FRMD5: variants seen among roughly 807,000 people sequenced by gnomAD.
FRMD5 encodes the protein FERM domain-containing protein 5.
FRMD5 carries 20 observed loss-of-function variants against 69.0 expected under a neutral mutation model. The ratio of observed to expected loss-of-function variants is 0.29; its 90% CI spans 0.20 to 0.42. The LOEUF (loss-of-function observed/expected upper bound fraction) is 0.42, where lower values mean the gene tolerates loss of function less well. Among genes scored for constraint, FRMD5 ranks in the 10% least tolerant of loss-of-function variants. The pLI is 1.00. For synonymous variants in FRMD5, 271 were observed against 260.1 expected (o/e 1.04, Z -0.40); for missense variants, 595 against 708.6 (o/e 0.84, Z 1.82).
intron 1 of FRMD5, chr15:44,063,873 C>A: frequency 3.6e-6 from 1 of 276,088 alleles, no homozygotes; most frequent in South Asian, 3.8e-5. Flanking sequence ...AGGTCATCAT[C>A]TCTGCCCCCT....
intron 1 of FRMD5, among the ~76,000 whole-genome samples, chr15:43,998,953 C>G (rs548043804): frequency 8.8e-4 from 134 of 152,324 alleles, no homozygotes; most frequent in African/African-American, 3.1e-3. Flanking sequence ...AGCACCAAAA[C>G]TTCTGGAAAA....
intron 1 of FRMD5, among the ~76,000 whole-genome samples, chr15:44,155,806 G>A (rs1055233759): frequency 2.0e-5 from 3 of 151,898 alleles, no homozygotes; most frequent in Non-Finnish European, 2.9e-5. Context: ...CGTTGGCCAG[G>A]CTGGTCTTGA....
chr15:44,167,634 G>A (rs895148916), intron 1 of FRMD5, among the ~76,000 whole-genome samples: 1 of 151,908 alleles, frequency 6.6e-6, no homozygotes, highest in Admixed American at 6.6e-5. Flanking sequence ...CTGTTGCCCA[G>A]GCTGGAGTGC....
chr15:44,116,740 C>T (rs1266763600), intron 1 of FRMD5, among the ~76,000 whole-genome samples: 4 of 152,090 alleles, frequency 2.6e-5, no homozygotes, highest in Non-Finnish European at 5.9e-5. Flanking sequence ...AAACAGAATT[C>T]TTGGATCCTC....
At chr15:43,928,378 G>C (rs1185714799) in intron 1 of FRMD5, among the ~76,000 whole-genome samples, 1 of 152,210 alleles carries the variant, frequency 6.6e-6, no homozygotes, top group Non-Finnish European at 1.5e-5. Context: ...TGCAAAGGTA[G>C]AATCAACTTA....
rs1396918931 is a variant in FRMD5 at position 43,906,815 on chromosome 15, A to C, written c.428-864T>G. 6.7e-5 allele frequency among the ~76,000 whole-genome samples: 10 copies of C among 148,784 alleles called. 2 individuals carry two copies. Among genetic ancestry groups the C allele is most frequent in the East Asian group, 3.9e-4 (2 of 5,102 alleles). On this transcript the variant is annotated intron_variant, in intron 5 of 13. Transcript: ENST00000417257. The stretch of plus-strand genomic sequence containing the variant: ...ACGGGGTTTCACCGTGTTAGCCAGG[A>C]TGGTCTCGATCTCCTGACCTCGTGA...
intron 7 of FRMD5, among the ~76,000 whole-genome samples, chr15:43,892,393 T>G (rs1475082050): frequency 1.3e-5 from 2 of 152,222 alleles, no homozygotes; most frequent in African/African-American, 2.4e-5. Flanking sequence ...TGTTAAATGG[T>G]ACAGTCACTT....
At chr15:44,161,679 G>A (rs1566978101) in intron 1 of FRMD5, among the ~76,000 whole-genome samples, 1 of 152,090 alleles carries the variant, frequency 6.6e-6, no homozygotes, top group Non-Finnish European at 1.5e-5. Context: ...GGCATATGGT[G>A]ACCAACTTCT....
intron 1 of FRMD5, among the ~76,000 whole-genome samples, chr15:44,185,775 A>G (rs1430788475): frequency 1.3e-5 from 2 of 151,314 alleles, no homozygotes; most frequent in African/African-American, 4.9e-5. Flanking sequence ...CTTGGGCGAC[A>G]GAGTGAGACT....
chr15:44,143,091 CA>C (rs1246678514), intron 1 of FRMD5, among the ~76,000 whole-genome samples: 57 of 133,534 alleles, frequency 4.3e-4, no homozygotes, highest in Admixed American at 3.8e-4. Context: ...GACTCCGTCT[CA>C]AAAAAAAAAA....
chr15:44,075,448 A>AT (rs1208212924), intron 1 of FRMD5, among the ~76,000 whole-genome samples: 1 of 152,206 alleles, frequency 6.6e-6, no homozygotes, highest in Non-Finnish European at 1.5e-5. Flanking sequence ...TATTTCCATC[A>AT]TTAAAAAAAA....
chr15:44,140,935 G>T (rs1040199155), intron 1 of FRMD5, among the ~76,000 whole-genome samples: 2 of 146,976 alleles, frequency 1.4e-5, no homozygotes, highest in African/African-American at 2.5e-5. Flanking sequence ...AAATAAAGAG[G>T]ATTCAGCAGG....
intron 7 of FRMD5, among the ~76,000 whole-genome samples, chr15:43,895,671 C>T (rs602370): frequency 0.4 from 60,942 of 152,170 alleles, 15,810 homozygotes; most frequent in African/African-American, 0.74. Flanking sequence ...TCAAATGCAA[C>T]AGATGCAGAT....
At chr15:43,998,944 G>A (rs1205499530) in intron 1 of FRMD5, among the ~76,000 whole-genome samples, 1 of 152,198 alleles carries the variant, frequency 6.6e-6, no homozygotes, top group African/African-American at 2.4e-5. Context: ...TGGCAAGCAA[G>A]CACCAAAACT....
chr15:44,177,656 C>T (rs1401081544), intron 1 of FRMD5, among the ~76,000 whole-genome samples: 1 of 152,070 alleles, frequency 6.6e-6, no homozygotes, highest in Non-Finnish European at 1.5e-5. Context: ...TTGCACAACT[C>T]TGAAAAGATA....
chr15:43,905,575 A>G (rs1190209986), intron 6 of FRMD5, among the ~76,000 whole-genome samples: 2 of 152,130 alleles, frequency 1.3e-5, no homozygotes, highest in Admixed American at 1.3e-4. Context: ...TGTTTCCCCT[A>G]TAACACAACT....
At chr15:44,045,326 G>A (rs903230069) in intron 1 of FRMD5, among the ~76,000 whole-genome samples, 1 of 152,058 alleles carries the variant, frequency 6.6e-6, no homozygotes, top group African/African-American at 2.4e-5. Flanking sequence ...ATTTTTGAAC[G>A]TGGCATTTAT....
intron 1 of FRMD5, among the ~76,000 whole-genome samples, chr15:44,191,029 T>C (rs2078183846): frequency 6.6e-6 from 1 of 152,204 alleles, no homozygotes; most frequent in African/African-American, 2.4e-5. Flanking sequence ...GGTTATACTA[T>C]GGAAATGCCC....
intron 6 of FRMD5, among the ~76,000 whole-genome samples, chr15:43,905,428 C>T (rs1204389673): frequency 2.6e-5 from 4 of 152,006 alleles, no homozygotes; most frequent in Non-Finnish European, 4.4e-5. Flanking sequence ...TAAGCCACCG[C>T]GCCTGGCCTT....
Sources: gnomAD v4.1 joint callset for allele counts (sites outside exome capture counted in the v4.1 genomes callset) on GRCh38, gnomAD v4.1.1 for gene constraint, MANE v1.5 for transcripts, NCBI Gene and HGNC (gene_info 2026-07-23, HGNC 2026-07-21) for gene names.